The following SRGAP3 variants were observed in gnomAD, a reference collection of about 807,000 sequenced individuals.
SRGAP3 encodes SLIT-ROBO Rho GTPase activating protein 3, also known as SLIT-ROBO Rho GTPase-activating protein 3.
A neutral mutation model predicts 121.1 loss-of-function variants in SRGAP3; 39 were observed. The observed-to-expected ratio is 0.32, with a 90% CI of 0.25 to 0.42. SRGAP3 has a LOEUF of 0.42. Among genes scored for constraint, SRGAP3 ranks in the 10% least tolerant of loss-of-function variants. The pLI is 1.00. For synonymous variants in SRGAP3, 601 were observed against 570.0 expected (o/e 1.05, Z -0.77); for missense variants, 1,213 against 1,470.6 (o/e 0.82, Z 2.86).
chr3:9,149,209 G>T (rs1447441472), intron 1 of SRGAP3, among the ~76,000 whole-genome samples: 4 of 134,932 alleles, frequency 3.0e-5, no homozygotes, highest in African/African-American at 1.1e-4. Context: ...GCAAGACTCC[G>T]TCTCAAAAAA....
intron 3 of SRGAP3, among the ~76,000 whole-genome samples, chr3:9,307,734 T>C (rs1463831195): frequency 6.6e-6 from 1 of 152,174 alleles, no homozygotes; most frequent in East Asian, 1.9e-4. Flanking sequence ...AAGGAAAACC[T>C]CAGGGGCATA....
chr3:9,348,759 A>C, intron 1 of SRGAP3: 1 of 1,355,590 alleles, frequency 7.4e-7, no homozygotes. Flanking sequence ...GCTGCAAAGC[A>C]TGGTGAGGCC....
At chr3:9,298,220 A>G (rs1367041225) in intron 3 of SRGAP3, among the ~76,000 whole-genome samples, 1 of 152,234 alleles carries the variant, frequency 6.6e-6, no homozygotes, top group East Asian at 1.9e-4. Context: ...TTGTGGAGAA[A>G]TGTACTTACC....
At chr3:9,178,294 G>A (rs1951252466) in intron 1 of SRGAP3, among the ~76,000 whole-genome samples, 2 of 151,928 alleles carry the variant, frequency 1.3e-5, no homozygotes. Flanking sequence ...AAATAAATAA[G>A]ATAAGCCTGG....
At chr3:9,271,919 A>G (rs1348891546) in intron 3 of SRGAP3, among the ~76,000 whole-genome samples, 1 of 152,182 alleles carries the variant, frequency 6.6e-6, no homozygotes, top group African/African-American at 2.4e-5. Flanking sequence ...AAGGTCTGAG[A>G]CCTGCTCCAT....
At chr3:9,107,332 G>A (rs575827065) in intron 2 of SRGAP3, among the ~76,000 whole-genome samples, 182 of 152,302 alleles carry the variant, frequency 1.2e-3, no homozygotes, top group Non-Finnish European at 2.0e-3. Context: ...TAGAGAGGAA[G>A]GTGGTTCCAG....
At chr3:9,083,527 A>G (rs1419164087) in intron 3 of SRGAP3, among the ~76,000 whole-genome samples, 1 of 152,238 alleles carries the variant, frequency 6.6e-6, no homozygotes, top group East Asian at 1.9e-4. Flanking sequence ...TATCTCTGAG[A>G]AATTTTTCCA....
At chr3:9,176,181 A>C (rs1951174241) in intron 1 of SRGAP3, among the ~76,000 whole-genome samples, 1 of 152,088 alleles carries the variant, frequency 6.6e-6, no homozygotes, top group Non-Finnish European at 1.5e-5. Context: ...CGGCCTCCTA[A>C]AGTGCTGGGA....
intron 1 of SRGAP3, among the ~76,000 whole-genome samples, chr3:9,344,945 G>A (rs1013413854): frequency 1.3e-5 from 2 of 152,054 alleles, no homozygotes; most frequent in African/African-American, 4.8e-5. Context: ...GCTGAGGCAG[G>A]AGAATCACTT....
intron 3 of SRGAP3, among the ~76,000 whole-genome samples, chr3:9,264,451 T>C (rs1463438472): frequency 5.9e-5 from 9 of 152,218 alleles, no homozygotes; most frequent in African/African-American, 2.2e-4. Context: ...GCAGATGACA[T>C]GATTGTATAT....
At chr3:9,020,652 G>T (rs1191419027) in intron 14 of SRGAP3, among the ~76,000 whole-genome samples, 1 of 152,128 alleles carries the variant, frequency 6.6e-6, no homozygotes, top group South Asian at 2.1e-4. Flanking sequence ...CTCCTGCAAG[G>T]CTCTCAGTCC....
intron 21 of SRGAP3, among the ~76,000 whole-genome samples, chr3:8,986,870 C>G (rs973066311): frequency 6.6e-6 from 1 of 152,174 alleles, no homozygotes; most frequent in Non-Finnish European, 1.5e-5. Flanking sequence ...TCAGAGAGAG[C>G]GAGCCCCCTG....
At chr3:9,010,226 C>T (rs761339182) in intron 18 of SRGAP3, 82 bp downstream of exon 18, 100 of 1,491,340 alleles carry the variant, frequency 6.7e-5, no homozygotes, top group Non-Finnish European at 8.4e-5. Context: ...TCTATGTGGG[C>T]CAGCCCTGTG....
At chr3:9,297,720 A>AC (rs1210359740) in intron 3 of SRGAP3, among the ~76,000 whole-genome samples, 3 of 151,876 alleles carry the variant, frequency 2.0e-5, no homozygotes, top group African/African-American at 7.3e-5. Flanking sequence ...ACGTGGTGAA[A>AC]CCCCATCTCT....
At chr3:9,069,708 G>C (rs1480294921) in intron 4 of SRGAP3, among the ~76,000 whole-genome samples, 4 of 152,186 alleles carry the variant, frequency 2.6e-5, no homozygotes, top group Admixed American at 2.6e-4. Context: ...CAGCCCTTTG[G>C]GAGGCCAAGG....
chr3:9,305,328 C>T (rs1251028199), intron 3 of SRGAP3, among the ~76,000 whole-genome samples: 1 of 144,414 alleles, frequency 6.9e-6, no homozygotes, highest in African/African-American at 2.6e-5. Flanking sequence ...CAGGGAGGGG[C>T]TGAAGCTACC....
At position 9,329,634 on chromosome 3, in the gene SRGAP3, T is replaced by C. The variant is rs1376134848; in HGVS notation, n.283+894A>G. 6.6e-5 allele frequency among the ~76,000 whole-genome samples: 10 copies of C among 152,318 alleles called. No individual in the cohort carries two copies. The South Asian group carries it at 8.3e-4, about 13-fold the overall frequency. On this transcript the variant is annotated intron_variant and non_coding_transcript_variant, in intron 2 of 3. Transcript: ENST00000490889. ...AGAAGAAAAGAGCAAGTATTGCCTA[T>C]GGCAGGGTGCGGAAGGTGAAGAGCT...
Position 9,355,637 on chromosome 3 carries a change from T to C in SRGAP3, n.214+7203A>G, listed in dbSNP as rs1181101114. On this transcript the variant is annotated intron_variant and non_coding_transcript_variant, in intron 1 of 3. Transcript: ENST00000490889. ...CTTTACCTGACCACCTGACATACAA[T>C]AGACATATTCCTCCACCTCTCCAGC... is the stretch of plus-strand genomic sequence containing the variant. The C allele has an allele frequency of 3.3e-5, 5 of 152,376 alleles. 1 individual carries two copies. Among genetic ancestry groups the C allele is most frequent in the South Asian group, 4.1e-4 (2 of 4,836 alleles). 9.4% of individuals were successfully genotyped at this position (152,376 alleles called of 1,614,324 possible). A position where few individuals can be genotyped will look rare whatever the true frequency, so the allele number is the denominator to read the frequency against.
chr3:9,073,459 T>C (rs1182430464), intron 4 of SRGAP3, among the ~76,000 whole-genome samples: 1 of 152,228 alleles, frequency 6.6e-6, no homozygotes, highest in Non-Finnish European at 1.5e-5. Context: ...GTAGTTTCTA[T>C]ATAGTCATAT....
Sources: gnomAD v4.1 joint callset for allele counts (sites outside exome capture counted in the v4.1 genomes callset) on GRCh38, gnomAD v4.1.1 for gene constraint, MANE v1.5 for transcripts, NCBI Gene and HGNC (gene_info 2026-07-23, HGNC 2026-07-21) for gene names.